MTX2: variants seen among roughly 807,000 people sequenced by gnomAD.
MTX2 encodes the protein metaxin-2.
A neutral mutation model predicts 42.3 loss-of-function variants in MTX2; 35 were observed. That is an observed-to-expected ratio of 0.83 (90% confidence interval 0.63 to 1.10). The LOEUF is 1.10. MTX2 is among the 50% of genes least tolerant of loss of function. MTX2 has a pLI of 0.00. For synonymous variants in MTX2, 119 were observed against 100.9 expected, an observed-to-expected ratio of 1.18 and a Z score of -1.08; for missense variants, 307 against 304.1, an observed-to-expected ratio of 1.01 and a Z score of -0.07.
chr2:176,269,748 C>T, intron 1 of MTX2, 79 bp downstream of exon 1: 2 of 1,477,372 alleles, frequency 1.4e-6, no homozygotes, highest in Non-Finnish European at 1.8e-6. Context: ...TGGAGCTTTC[C>T]TCCAGCCTTG....
At chr2:176,300,930 T>C (rs1271302220) in intron 3 of MTX2, among the ~76,000 whole-genome samples, 1 of 152,106 alleles carries the variant, frequency 6.6e-6, no homozygotes, top group Non-Finnish European at 1.5e-5. Flanking sequence ...CCTAATTCTT[T>C]GAAAGAAATA....
chr2:176,293,994 A>C lies in MTX2; in HGVS notation c.41-2866A>C, dbSNP rs185311719. On this transcript the variant is annotated intron_variant, in intron 1 of 9. Transcript: ENST00000249442. ...CTTCTCTTTTTAAATCATAGGTTCT[A>C]TTTGTGATGAAAACACTGGATGTTT... Among the ~76,000 whole-genome samples, 4 of 152,166 alleles carry C rather than the reference A, an allele frequency of 2.6e-5. No individual in the cohort carries two copies. The East Asian group carries it at 7.8e-4, about 30-fold the overall frequency.
chr2:176,319,028 A>G (rs1365586939), intron 3 of MTX2, among the ~76,000 whole-genome samples: 1 of 152,202 alleles, frequency 6.6e-6, no homozygotes, highest in Non-Finnish European at 1.5e-5. Flanking sequence ...CGTTATTCTG[A>G]TAGGATGTGC....
intron 3 of MTX2, among the ~76,000 whole-genome samples, chr2:176,319,843 C>T (rs893449210): frequency 2.0e-5 from 3 of 151,828 alleles, no homozygotes; most frequent in African/African-American, 4.8e-5. Flanking sequence ...CAAAGTGCTG[C>T]GATTATAGGC....
chr2:176,324,044 A>C (rs1684646522), intron 4 of MTX2, among the ~76,000 whole-genome samples: 2 of 151,616 alleles, frequency 1.3e-5, no homozygotes, highest in Admixed American at 6.6e-5. Context: ...TACTGTTTTA[A>C]ATAAATAATT....
intron 4 of MTX2, among the ~76,000 whole-genome samples, chr2:176,324,996 A>T (rs951023075): frequency 6.6e-6 from 1 of 151,704 alleles, no homozygotes; most frequent in Non-Finnish European, 1.5e-5. Flanking sequence ...AGACCAGTTG[A>T]CTTAAACTCT....
In MTX2 at chr2:176,272,233, C is replaced by T. The variant is rs566177184; in HGVS notation, c.40+2564C>T. 2.3e-3 allele frequency among the ~76,000 whole-genome samples: 348 copies of T among 151,898 alleles called. 8 individuals are homozygous for T. Among genetic ancestry groups the T allele is most frequent in the Non-Finnish European group, 2.1e-4 (14 of 67,978 alleles). ...TAGAAACAGAATAGAAAGGTGGTTA[C>T]CAGAGGCTGAGGGGGACAGAGGTGA... On this transcript the variant is annotated intron_variant, in intron 1 of 9. Coordinates refer to ENST00000249442, the MANE Select transcript of MTX2 (RefSeq NM_006554.5).
At chr2:176,318,002 C>A (rs774325585) in intron 3 of MTX2, among the ~76,000 whole-genome samples, 2 of 152,096 alleles carry the variant, frequency 1.3e-5, no homozygotes, top group African/African-American at 4.8e-5. Context: ...TTCTACTGTG[C>A]AAACTCTTAG....
intron 5 of MTX2, among the ~76,000 whole-genome samples, 181 bp from the exon 6 acceptor site, chr2:176,328,112 C>T (rs544523645): frequency 1.3e-5 from 2 of 151,170 alleles, no homozygotes; most frequent in South Asian, 2.1e-4. Context: ...TAAGTACATA[C>T]TAATATTTTG....
chr2:176,310,259 T>G (rs1684270150), intron 3 of MTX2, among the ~76,000 whole-genome samples: 1 of 138,238 alleles, frequency 7.2e-6, no homozygotes, highest in Admixed American at 7.2e-5. Flanking sequence ...TTTGTAGGGT[T>G]TCTGCCGAGA....
intron 3 of MTX2, among the ~76,000 whole-genome samples, chr2:176,322,531 T>A (rs1684609487): frequency 6.6e-6 from 1 of 151,942 alleles, no homozygotes; most frequent in Non-Finnish European, 1.5e-5. Flanking sequence ...ATTTTGTGAA[T>A]AGAGAAAAAG....
chr2:176,296,638 C>G (rs1683893892), intron 1 of MTX2, among the ~76,000 whole-genome samples: 1 of 152,026 alleles, frequency 6.6e-6, no homozygotes, highest in Non-Finnish European at 1.5e-5. Flanking sequence ...CATTAAAAAA[C>G]AATCACCAAA....
chr2:176,286,281 T>G (rs954657008), intron 1 of MTX2, among the ~76,000 whole-genome samples: 1 of 152,216 alleles, frequency 6.6e-6, no homozygotes, highest in Admixed American at 6.5e-5. Context: ...TGTATGAGTT[T>G]TGCGGAATCT....
At chr2:176,310,146 A>T (rs1684266023) in intron 3 of MTX2, among the ~76,000 whole-genome samples, 1 of 151,832 alleles carries the variant, frequency 6.6e-6, no homozygotes, top group African/African-American at 2.4e-5. Context: ...AAAGGATTTT[A>T]TTTCTCCTTC....
chr2:176,311,551 G>A (rs1684307906), intron 3 of MTX2, among the ~76,000 whole-genome samples: 1 of 152,170 alleles, frequency 6.6e-6, no homozygotes, highest in Admixed American at 6.5e-5. Flanking sequence ...TCTGCAGTGG[G>A]CTCCGCCCAG....
chr2:176,297,865 TTC>T lies in MTX2; in HGVS notation c.107_108del (p.Ser36Ter). 1 of 1,563,146 alleles carries T rather than the reference TTC, an allele frequency of 6.4e-7. No individual in the cohort carries two copies. The highest frequency in any genetic ancestry group is 8.7e-7 in the Non-Finnish European group (1 of 1,151,476). On this transcript the variant is annotated frameshift_variant, in exon 3 of 10. Transcript: ENST00000249442. LOFTEE classifies it high-confidence loss of function. ...QQLKGEQILL[S>X]DNAASLAVQA... ...TTTCCACAGGGGAGCAAATTTTACTTTCTGACAATGCAGCTTCTCTTGCAGTG... is the reference window on the plus strand; with the variant it reads ...TTTCCACAGGGGAGCAAATTTTACTTTGACAATGCAGCTTCTCTTGCAGTG...
At chr2:176,335,185 A>C (rs1684961197) in intron 9 of MTX2, among the ~76,000 whole-genome samples, 1 of 152,100 alleles carries the variant, frequency 6.6e-6, no homozygotes, top group Non-Finnish European at 1.5e-5. Context: ...ATTCTAAAAA[A>C]TAAGGAGCCA....
chr2:176,290,819 A>G (rs1370853830), intron 1 of MTX2, among the ~76,000 whole-genome samples: 2 of 139,748 alleles, frequency 1.4e-5, no homozygotes, highest in Non-Finnish European at 3.1e-5. Flanking sequence ...CCTTTGAAAT[A>G]CAGGAAGAAA....
At chr2:176,274,912 C>T (rs753604168) in intron 1 of MTX2, among the ~76,000 whole-genome samples, 2 of 152,116 alleles carry the variant, frequency 1.3e-5, no homozygotes, top group Non-Finnish European at 2.9e-5. Context: ...TACAAAATGA[C>T]GTTGCCTCTC....
Sources: gnomAD v4.1 joint callset for allele counts (sites outside exome capture counted in the v4.1 genomes callset) on GRCh38, gnomAD v4.1.1 for gene constraint, MANE v1.5 for transcripts, NCBI Gene and HGNC (gene_info 2026-07-23, HGNC 2026-07-21) for gene names.